TENM2: variants seen among roughly 807,000 people sequenced by gnomAD.
TENM2 encodes teneurin-2.
In TENM2, 52 loss-of-function variants were observed where a neutral mutation model predicts 245.2. The ratio of observed to expected loss-of-function variants is 0.21; its 90% CI spans 0.17 to 0.27. TENM2 has a LOEUF of 0.27. Among genes scored for constraint, TENM2 ranks in the 10% least tolerant of loss-of-function variants. TENM2 has a pLI of 1.00. For synonymous variants in TENM2, 1,363 were observed against 1,438.9 expected (o/e 0.95, Z 1.19); for missense variants, 3,046 against 3,666.8 (o/e 0.83, Z 4.37).
the TENM2 span, among the ~76,000 whole-genome samples, chr5:167,108,686 T>C: frequency 6.6e-6 from 1 of 152,296 alleles, no homozygotes; most frequent in East Asian, 1.9e-4. Context: ...CACAAGTAGG[T>C]TCTCATCCTT....
rs543608710 is a variant in TENM2 at position 168,111,197 on chromosome 5, G to GT, written c.1814-7089dup. 2.7e-4 allele frequency among the ~76,000 whole-genome samples: 41 copies of GT among 152,334 alleles called. No homozygotes were observed. In the South Asian group the frequency reaches 4.6e-3, roughly 17 times the overall value. On this transcript the variant is annotated intron_variant, in intron 9 of 28. Coordinates refer to ENST00000518659, the Ensembl canonical transcript of TENM2. ...GTCAGAGATTTGACACACCTGATGA[G>GT]TTTTTTGTCCTTCTGGAAATTCTTC...
the TENM2 span, among the ~76,000 whole-genome samples, chr5:167,210,743 G>A: frequency 3.4e-3 from 515 of 152,086 alleles, 4 homozygotes; most frequent in African/African-American, 0.012. Flanking sequence ...GATTACAGGC[G>A]TGAGCCACCG....
At chr5:167,442,768 AATT>A (rs1185059602) in intron 2 of TENM2, among the ~76,000 whole-genome samples, 1 of 152,140 alleles carries the variant, frequency 6.6e-6, no homozygotes, top group Non-Finnish European at 1.5e-5. Flanking sequence ...TGTGTCATGG[AATT>A]ATTCATTCAG....
At chr5:167,079,868 A>G in the TENM2 span, among the ~76,000 whole-genome samples, 3 of 152,172 alleles carry the variant, frequency 2.0e-5, no homozygotes, top group Non-Finnish European at 4.4e-5. Context: ...GAAATTTTTC[A>G]CCTGAGCCTT....
the TENM2 span, among the ~76,000 whole-genome samples, chr5:167,269,906 C>T: frequency 6.6e-6 from 1 of 152,120 alleles, no homozygotes; most frequent in Non-Finnish European, 1.5e-5. Flanking sequence ...TAAGAAACAA[C>T]AGAATTCCCA....
chr5:168,233,537 CCCCTACAT>C (rs1476664258), intron 25 of TENM2, among the ~76,000 whole-genome samples: 1 of 152,160 alleles, frequency 6.6e-6, no homozygotes, highest in Non-Finnish European at 1.5e-5. Context: ...AAATACATTG[CCCCTACAT>C]CTGTCTGGAA....
chr5:167,342,904 TTAAGAG>T (rs1758212103), intron 1 of TENM2, among the ~76,000 whole-genome samples: 1 of 151,956 alleles, frequency 6.6e-6, no homozygotes, highest in African/African-American at 2.4e-5. Context: ...AACTCACACT[TTAAGAG>T]TAGGGAGTTA....
Position 167,354,462 on chromosome 5 carries a change from A to G in TENM2, c.227-20736A>G, listed in dbSNP as rs377452883. Among the ~76,000 whole-genome samples, 8 of 147,832 alleles carry G rather than the reference A, an allele frequency of 5.4e-5. No homozygotes were observed. The East Asian group carries it at 1.4e-3, about 25-fold the overall frequency. ...TTTCATTTCTGTTTGCCCTTTTTCT[A>G]TATATTCTCTACAAGCTTTCCCTTC... On this transcript the variant is annotated intron_variant, in intron 1 of 28. Transcript: ENST00000518659.
intron 7 of TENM2, among the ~76,000 whole-genome samples, chr5:168,064,347 C>G (rs1054708871): frequency 6.6e-6 from 1 of 152,146 alleles, no homozygotes; most frequent in Non-Finnish European, 1.5e-5. Flanking sequence ...GCCTCTCAAC[C>G]AGTTGCATGC....
At chr5:167,855,453 T>C (rs1353932236) in intron 2 of TENM2, among the ~76,000 whole-genome samples, 1 of 152,122 alleles carries the variant, frequency 6.6e-6, no homozygotes, top group African/African-American at 2.4e-5. Context: ...TATACATGTG[T>C]CTGTAAATAT....
At chr5:167,539,576 A>T (rs560175878) in intron 2 of TENM2, among the ~76,000 whole-genome samples, 1 of 152,306 alleles carries the variant, frequency 6.6e-6, no homozygotes, top group African/African-American at 2.4e-5. Context: ...TGATTTGGAG[A>T]AAGGTTTCCT....
At chr5:167,002,404 G>A in the TENM2 span, among the ~76,000 whole-genome samples, 1 of 152,158 alleles carries the variant, frequency 6.6e-6, no homozygotes, top group Non-Finnish European at 1.5e-5. Flanking sequence ...TCACAGAGGA[G>A]ACCCTGTCTC....
chr5:167,413,731 G>T (rs1232187094), intron 2 of TENM2, among the ~76,000 whole-genome samples: 2 of 152,220 alleles, frequency 1.3e-5, no homozygotes, highest in East Asian at 1.9e-4. Flanking sequence ...TCAGTACGTG[G>T]TTAATATATA....
chr5:167,444,760 C>T (rs777051990), intron 2 of TENM2, among the ~76,000 whole-genome samples: 18 of 152,240 alleles, frequency 1.2e-4, no homozygotes, highest in Non-Finnish European at 2.4e-4. Context: ...GTACCTGGCA[C>T]TGGGTAAAAG....
At chr5:168,224,136 C>T (rs1012117448) in intron 23 of TENM2, among the ~76,000 whole-genome samples, 10 of 152,190 alleles carry the variant, frequency 6.6e-5, no homozygotes, top group Non-Finnish European at 1.5e-4. Flanking sequence ...TAAATAGCAC[C>T]TTTGTCCCCC....
At chr5:167,490,428 GT>G (rs1561997834) in intron 2 of TENM2, among the ~76,000 whole-genome samples, 2 of 151,852 alleles carry the variant, frequency 1.3e-5, no homozygotes, top group African/African-American at 2.4e-5. Context: ...TTGATTTGCC[GT>G]TTTTCTTAGT....
chr5:167,416,741 A>G (rs1402540570), intron 2 of TENM2, among the ~76,000 whole-genome samples: 1 of 152,132 alleles, frequency 6.6e-6, no homozygotes, highest in Non-Finnish European at 1.5e-5. Context: ...GGCTACAGTA[A>G]TATTCAGTAG....
the TENM2 span, among the ~76,000 whole-genome samples, chr5:167,174,270 T>A: frequency 6.6e-6 from 1 of 152,178 alleles, no homozygotes; most frequent in Non-Finnish European, 1.5e-5. Flanking sequence ...GTGATTAAGA[T>A]TAATGTACCT....
chr5:167,722,538 G>T (rs1018706293), intron 2 of TENM2, among the ~76,000 whole-genome samples: 1 of 151,966 alleles, frequency 6.6e-6, no homozygotes, highest in East Asian at 1.9e-4. Flanking sequence ...GGGTGAAAAA[G>T]AAAAAGGGAT....
Sources: gnomAD v4.1 joint callset for allele counts (sites outside exome capture counted in the v4.1 genomes callset) on GRCh38, gnomAD v4.1.1 for gene constraint, MANE v1.5 for transcripts, NCBI Gene and HGNC (gene_info 2026-07-23, HGNC 2026-07-21) for gene names.